ZBTB7B: variants seen among roughly 807,000 people sequenced by gnomAD.
ZBTB7B encodes the protein zinc finger and BTB domain containing 7B, also known as zinc finger and BTB domain-containing protein 7B.
ZBTB7B carries 8 observed loss-of-function variants against 31.0 expected under a neutral mutation model. The ratio of observed to expected loss-of-function variants is 0.26; its 90% confidence interval spans 0.15 to 0.47. The LOEUF (loss-of-function observed/expected upper bound fraction) is 0.47, where lower values mean the gene tolerates loss of function less well. Among genes scored for constraint, ZBTB7B ranks in the 20% least tolerant of loss-of-function variants. The pLI is 0.99. For synonymous variants in ZBTB7B, 261 were observed against 307.3 expected, an observed-to-expected ratio of 0.85 and a Z score of 1.58; for missense variants, 494 against 742.4, an observed-to-expected ratio of 0.67 and a Z score of 3.89.
chr1:155,018,258 G>T lies in ZBTB7B; in HGVS notation c.*1573G>T. On this transcript the variant is annotated 3_prime_UTR_variant, in exon 3 of 3. Transcript: ENST00000535420. ...TGTTATCTATTTAAAAAGTGATGAT[G>T]TAATATATTGGGGTGGCGGGGAGAT... is the stretch of plus-strand genomic sequence containing the variant. 1 of 445,958 alleles carries T rather than the reference G, an allele frequency of 2.2e-6. No homozygotes were observed. The highest frequency in any genetic ancestry group is 4.1e-6 in the Non-Finnish European group (1 of 245,184). The allele number at this position is 445,958 out of a possible 1,614,324, so 27.6% of individuals were successfully genotyped here.
At position 155,004,489 on chromosome 1, in the gene ZBTB7B, A is replaced by C. The variant is rs149182016; in HGVS notation, c.-7+1546A>C. On this transcript the variant is annotated intron_variant, in intron 1 of 2. Transcript: ENST00000535420. This position sits in a 1 kb window ranked among gnomAD's most constrained non-coding sequence, Gnocchi z 4.0. ...TTATGGGGTTGCCTCCTGCTGCCCC[A>C]CACACACCAACTGGTTTGGTCACCC... Among the ~76,000 whole-genome samples the C allele has an allele frequency of 1.6e-4, 25 of 152,176 alleles. No homozygotes were observed. The highest frequency in any genetic ancestry group is 4.8e-4 in the African/African-American group (20 of 41,516).
chr1:155,006,836 T>C (rs1368358438), intron 1 of ZBTB7B, among the ~76,000 whole-genome samples: 1 of 152,132 alleles, frequency 6.6e-6, no homozygotes, highest in Non-Finnish European at 1.5e-5. Flanking sequence ...AGGGGTCCTC[T>C]TTCCTCCACC....
At position 155,015,466 on chromosome 1, in the gene ZBTB7B, G is replaced by T; in HGVS notation, c.806G>T (p.Ser269Ile). ...GCCTCCCCTCCTGAGGGTCCCCAGA[G>T]CTACGAACCCTATGAGGGTGAGGAA... ...GTASPPEGPQSYEPYEGEEEE... is the reference protein window; with the variant it reads ...GTASPPEGPQIYEPYEGEEEE... Residue 269 changes from serine (S) to isoleucine (I), a missense_variant, in exon 2 of 3, where the codon AGC becomes ATC. By Grantham distance (142) the Ser-to-Ile change is moderately radical. Around this residue, in one of 5 missense-constraint regions of ZBTB7B, gnomAD observed 216 missense variants for 229.3 expected, o/e 0.94. Coordinates refer to ENST00000535420, the MANE Select transcript of ZBTB7B (RefSeq NM_001256455.2). 4 of 1,602,358 alleles carry T rather than the reference G, an allele frequency of 2.5e-6. No individual in the cohort carries two copies. Among genetic ancestry groups the T allele is most frequent in the Non-Finnish European group, 2.6e-6 (3 of 1,172,740 alleles).
chr1:155,015,391 G>C lies in ZBTB7B; in HGVS notation c.731G>C (p.Ser244Thr), dbSNP rs765139279. 1 of 1,569,080 alleles carries C rather than the reference G, an allele frequency of 6.4e-7. No individual in the cohort carries two copies. The highest frequency in any genetic ancestry group is 8.7e-7 in the Non-Finnish European group (1 of 1,155,282). ...GAGGAGGTGGCGGGCAGAGTGGGCA[G>C]CAGTGGGGGCAGTGGGCCGGGGGAC... ...EEEEVAGRVG[S>T]SGGSGPGDSY... Residue 244 changes from serine to threonine, a missense_variant, in exon 2 of 3, where the codon AGC (serine) becomes ACC (threonine). By Grantham distance (58) the Ser-to-Thr change is moderately conservative. Coordinates refer to ENST00000535420, the MANE Select transcript of ZBTB7B (RefSeq NM_001256455.2).
chr1:155,011,088 T>C (rs1436415145), intron 1 of ZBTB7B: 12 of 1,311,520 alleles, frequency 9.1e-6, no homozygotes, highest in African/African-American at 1.5e-5. Context: ...TTTTCTCTGC[T>C]GCTAATCCTG....
Position 155,017,363 on chromosome 1 carries a change from GCCCCGCCCA to G in ZBTB7B, c.*679_*687del, listed in dbSNP as rs1370394533. ...GCCTGCCCCTGGGGGCAGTAGAGGG[GCCCCGCCCA>G]GCTAGGGGAGCCGCTCCGTTCCACT... On this transcript the variant is annotated 3_prime_UTR_variant, in exon 3 of 3. Transcript: ENST00000535420. 6.6e-6 allele frequency: 1 copy of G among 152,440 alleles called. No individual in the cohort carries two copies. The highest frequency in any genetic ancestry group is 1.5e-5 in the Non-Finnish European group (1 of 68,310). The allele number at this position is 152,440 out of a possible 1,614,324, so 9.4% of individuals were successfully genotyped here.
At chr1:155,013,319 C>T (rs1482821850) in intron 1 of ZBTB7B, among the ~76,000 whole-genome samples, 1 of 152,202 alleles carries the variant, frequency 6.6e-6, no homozygotes, top group East Asian at 1.9e-4. Context: ...GACTCCAGAG[C>T]CCAGTTCTTT....
In ZBTB7B at chr1:155,004,854, C is replaced by A. The variant is rs920474415; in HGVS notation, c.-7+1911C>A. Among the ~76,000 whole-genome samples, 9 of 152,100 alleles carry A rather than the reference C, an allele frequency of 5.9e-5. No individual in the cohort carries two copies. Among genetic ancestry groups the A allele is most frequent in the Admixed American group, 1.3e-4 (2 of 15,286 alleles). ...TGTCCCCTCCCTTGGGTACCACACA[C>A]CCCCAGCCCTGGCACAGGGGTCAAA... On this transcript the variant is annotated intron_variant, in intron 1 of 2. Transcript: ENST00000535420. This position sits in a 1 kb window ranked among gnomAD's most constrained non-coding sequence, Gnocchi z 4.0.
At chr1:155,009,101 C>T (rs1354539494) in intron 1 of ZBTB7B, among the ~76,000 whole-genome samples, 1 of 152,206 alleles carries the variant, frequency 6.6e-6, no homozygotes, top group East Asian at 1.9e-4. Flanking sequence ...GCCCAGACTT[C>T]ACAAGAGAGT....
rs1205376550 is a variant in ZBTB7B, at chr1:155,004,751, G to C, written c.-7+1808G>C. 6.6e-6 allele frequency among the ~76,000 whole-genome samples: 1 copy of C among 152,092 alleles called. No homozygotes were observed. Among genetic ancestry groups the C allele is most frequent in the Non-Finnish European group, 1.5e-5 (1 of 67,984 alleles). On this transcript the variant is annotated intron_variant, in intron 1 of 2. Transcript: ENST00000535420. The surrounding 1 kb of genome is among the most constrained non-coding windows in gnomAD (Gnocchi z 4.0). ...GTCAGTGCCTCTGTCCCTGGCCCCA[G>C]GGACCCCAGCTCCCCCAGCGTGCCT...
rs1408413505 is a variant in ZBTB7B at position 155,016,364 on chromosome 1, C to A, written c.1299C>A (p.His433Gln). The A allele has an allele frequency of 6.2e-7, 1 of 1,614,036 alleles. No individual in the cohort carries two copies. The highest frequency in any genetic ancestry group is 8.5e-7 in the Non-Finnish European group (1 of 1,180,016). Residue 433 changes from histidine to glutamine, a missense_variant, in exon 3 of 3, where the codon CAC becomes CAA. By Grantham distance (24) the His-to-Gln change is conservative. Around this residue, in one of 5 missense-constraint regions of ZBTB7B, gnomAD observed 61 missense variants for 170.0 expected, o/e 0.36. Coordinates refer to ENST00000535420, the MANE Select transcript of ZBTB7B (RefSeq NM_001256455.2). This position sits in a 1 kb window ranked among gnomAD's most constrained non-coding sequence, Gnocchi z 4.3. ...LHTGDRPYEC[H>Q]LCHKAFAKED... ...CAGGGGACCGGCCCTATGAGTGCCA[C>A]CTGTGCCACAAGGCTTTCGCCAAGG... is the stretch of plus-strand genomic sequence containing the variant.
chr1:155,015,905 G>C, intron 2 of ZBTB7B, 91 bp downstream of exon 2: 1 of 1,486,368 alleles, frequency 6.7e-7, no homozygotes, highest in South Asian at 1.3e-5. Context: ...ACCCGAGGTG[G>C]TGGTAGGTGG....
intron 1 of ZBTB7B, among the ~76,000 whole-genome samples, chr1:155,009,528 G>A (rs1050723802): frequency 3.3e-5 from 5 of 152,096 alleles, no homozygotes; most frequent in African/African-American, 1.2e-4. Flanking sequence ...GTCCAGGGTG[G>A]GCACCCTCCG....
At chr1:155,002,335 G>C (rs549001148), upstream of ZBTB7B, among the ~76,000 whole-genome samples, 123 of 150,516 alleles carry the variant, frequency 8.2e-4, no homozygotes, top group Middle Eastern at 0.021. Flanking sequence ...AGGAGAAAGG[G>C]GGGGGAGAGA....
In ZBTB7B at chr1:155,015,463, A is replaced by G; in HGVS notation, c.803A>G (p.Gln268Arg). Residue 268 changes from glutamine to arginine, a missense_variant, in exon 2 of 3, where the codon CAG becomes CGG. By Grantham distance (43) the Gln-to-Arg change is conservative. This residue lies in a region of ZBTB7B where 216 missense variants were observed against 229.3 expected (regional missense o/e 0.94). Transcript: ENST00000535420. Reference sequence around the variant, plus strand: ...ACTGCCTCCCCTCCTGAGGGTCCCCAGAGCTACGAACCCTATGAGGGTGAG... The same window carrying G: ...ACTGCCTCCCCTCCTGAGGGTCCCCGGAGCTACGAACCCTATGAGGGTGAG... ...TGTASPPEGP[Q>R]SYEPYEGEEE... is the part of the protein sequence containing the mutation. 6.3e-7 allele frequency: 1 copy of G among 1,596,380 alleles called. No homozygotes were observed. The highest frequency in any genetic ancestry group is 8.6e-7 in the Non-Finnish European group (1 of 1,168,928).
chr1:155,009,511 T>C (rs1220117113), intron 1 of ZBTB7B, among the ~76,000 whole-genome samples: 2 of 151,960 alleles, frequency 1.3e-5, no homozygotes, highest in Admixed American at 6.5e-5. Context: ...AAGTGGACAA[T>C]TGCCTGGTCC....
chr1:155,016,876 G>T lies in ZBTB7B; in HGVS notation c.*191G>T. 2 of 559,036 alleles carry T rather than the reference G, an allele frequency of 3.6e-6. No individual in the cohort carries two copies. 34.6% of individuals were successfully genotyped at this position (559,036 alleles called of 1,614,324 possible). On this transcript the variant is annotated 3_prime_UTR_variant, in exon 3 of 3. Transcript: ENST00000535420. The surrounding 1 kb of genome is among the most constrained non-coding windows in gnomAD (Gnocchi z 4.3). ...TATTGGGGCAGAGGCTCCCCAAATT[G>T]GGGTGATCCCCCAAGGAGTGATACA...
chr1:155,018,492 G>T lies in ZBTB7B; in HGVS notation c.*1807G>T. 1.3e-6 allele frequency: 2 copies of T among 1,553,582 alleles called. No individual in the cohort carries two copies. The highest frequency in any genetic ancestry group is 1.1e-5 in the South Asian group (1 of 87,198). ...CAACTCCCCCACCTCGGGTGTAAGC[G>T]ACAGGAAGAAATAATAATAATTTAA... On this transcript the variant is annotated 3_prime_UTR_variant, in exon 3 of 3. Coordinates refer to ENST00000535420, the MANE Select transcript of ZBTB7B (RefSeq NM_001256455.2).
chr1:155,005,731 AT>A (rs1658519003), intron 1 of ZBTB7B, among the ~76,000 whole-genome samples: 1 of 152,206 alleles, frequency 6.6e-6, no homozygotes, highest in African/African-American at 2.4e-5. Flanking sequence ...GGACAGGCAG[AT>A]GGATAGGACC....
Sources: gnomAD v4.1 joint callset for allele counts (sites outside exome capture counted in the v4.1 genomes callset) on GRCh38, gnomAD v4.1.1 for gene constraint, gnomAD v4.1.1 regional missense constraint, Gnocchi (gnomAD v3.1) non-coding constraint, MANE v1.5 for transcripts, NCBI Gene and HGNC (gene_info 2026-07-23, HGNC 2026-07-21) for gene names.